HELZ: variants seen among roughly 807,000 people sequenced by gnomAD.
The protein encoded by HELZ is helicase with zinc finger.
Under a neutral mutation model 218.2 loss-of-function variants are expected in HELZ, and 23 were observed. The observed-to-expected ratio is 0.11, with a 90% CI of 0.08 to 0.15. The LOEUF is 0.15. HELZ is among the 10% of genes least tolerant of loss of function. The probability of loss-of-function intolerance (pLI) is 1.00; values close to 1 mark genes in which losing one functional copy is unlikely to be tolerated. For missense variants in HELZ, 1,813 were observed against 2,353.7 expected, an observed-to-expected ratio of 0.77 and a Z score of 4.75; for synonymous variants, 814 against 829.4, an observed-to-expected ratio of 0.98 and a Z score of 0.32.
At chr17:67,131,721 C>T (rs1302426566) in intron 23 of HELZ, among the ~76,000 whole-genome samples, 2 of 152,096 alleles carry the variant, frequency 1.3e-5, no homozygotes, top group Non-Finnish European at 2.9e-5. Flanking sequence ...GGCGCCAGCA[C>T]TACTATTATT....
At chr17:67,149,844 A>G in intron 19 of HELZ, 23 bp downstream of exon 19, 1 of 1,341,312 alleles carries the variant, frequency 7.5e-7, no homozygotes, top group Non-Finnish European at 1.1e-6. Flanking sequence ...TACTTTCAAC[A>G]CAGCAACTCA....
Position 67,076,725 on chromosome 17 carries a change from T to C in HELZ, c.*1527A>G, listed in dbSNP as rs2036027400. The C allele has an allele frequency of 6.6e-6, 1 of 152,224 alleles. No homozygotes were observed. The highest frequency in any genetic ancestry group is 2.1e-4 in the South Asian group (1 of 4,828). The allele number at this position is 152,224 out of a possible 1,614,324, so 9.4% of individuals were successfully genotyped here. Reference sequence around the variant, plus strand: ...GTAATTTTTCTTTACCTTTGCCATTTTACAACCTGATTTTAAAAATGTACT... The same window carrying C: ...GTAATTTTTCTTTACCTTTGCCATTCTACAACCTGATTTTAAAAATGTACT... On this transcript the variant is annotated 3_prime_UTR_variant, in exon 33 of 33. Coordinates refer to ENST00000358691, the MANE Select transcript of HELZ (RefSeq NM_014877.4).
chr17:67,078,761 C>T (rs1250123436), intron 32 of HELZ, among the ~76,000 whole-genome samples, 175 bp from the exon 33 acceptor site: 1 of 152,122 alleles, frequency 6.6e-6, no homozygotes, highest in Non-Finnish European at 1.5e-5. Context: ...TCCAACCAAA[C>T]GTCCCTATCT....
Position 67,208,382 on chromosome 17 carries a change from TAC to T in HELZ, c.248-4941_248-4940del, listed in dbSNP as rs2040361022. 1.3e-5 allele frequency among the ~76,000 whole-genome samples: 2 copies of T among 152,206 alleles called. 1 individual carries two copies. Among genetic ancestry groups the T allele is most frequent in the South Asian group, 4.1e-4 (2 of 4,828 alleles). The stretch of plus-strand genomic sequence containing the variant: ...TACACATGATCAAAATGACACAGAA[TAC>T]ACACATTCCTTGTACTAATGTTAAT... On this transcript the variant is annotated intron_variant, in intron 5 of 32. Coordinates refer to ENST00000358691, the MANE Select transcript of HELZ (RefSeq NM_014877.4).
At position 67,078,202 on chromosome 17, in the gene HELZ, T is replaced by A. The variant is rs764396548; in HGVS notation, c.*50A>T. 7 of 1,334,138 alleles carry A rather than the reference T, an allele frequency of 5.2e-6. No homozygotes were observed. The South Asian group carries it at 8.4e-5, about 16-fold the overall frequency. 82.6% of individuals were successfully genotyped at this position (1,334,138 alleles called of 1,614,324 possible). ...TGAAGTCCAACTACCTTAATTCTAC[T>A]GATACAAACAGAAATTAAAACATTC... On this transcript the variant is annotated 3_prime_UTR_variant, in exon 33 of 33. Coordinates refer to ENST00000358691, the MANE Select transcript of HELZ (RefSeq NM_014877.4).
At chr17:67,236,769 A>T (rs2041196299) in intron 3 of HELZ, among the ~76,000 whole-genome samples, 1 of 152,192 alleles carries the variant, frequency 6.6e-6, no homozygotes, top group Non-Finnish European at 1.5e-5. Context: ...TTTATTTATT[A>T]TCAATTTATT....
chr17:67,245,298 C>T (rs946937600), upstream of HELZ: 75 of 887,076 alleles, frequency 8.5e-5, no homozygotes, highest in Non-Finnish European at 9.2e-5. Flanking sequence ...GCCTCCCGCC[C>T]GGAAAGTTGC....
intron 5 of HELZ, among the ~76,000 whole-genome samples, chr17:67,205,986 C>A (rs1406790903): frequency 6.6e-6 from 1 of 152,182 alleles, no homozygotes; most frequent in African/African-American, 2.4e-5. Context: ...ACCTCTCCTG[C>A]TACTGTATCG....
chr17:67,226,061 ACC>A (rs1480583038), intron 3 of HELZ, among the ~76,000 whole-genome samples: 2 of 152,008 alleles, frequency 1.3e-5, no homozygotes, highest in Non-Finnish European at 2.9e-5. Context: ...AGCGATCAAG[ACC>A]ATCCTGGCCA....
At chr17:67,128,494 C>T in intron 24 of HELZ, 157 bp downstream of exon 24, 2 of 683,896 alleles carry the variant, frequency 2.9e-6, no homozygotes, top group South Asian at 3.5e-5. Flanking sequence ...TTTTCACTTA[C>T]ATGTCCACAC....
chr17:67,231,975 C>T (rs552454515), intron 3 of HELZ, among the ~76,000 whole-genome samples: 1 of 146,786 alleles, frequency 6.8e-6, no homozygotes, highest in African/African-American at 2.5e-5. Flanking sequence ...ATTGCTTGAA[C>T]TCGGGAGGGG....
intron 5 of HELZ, among the ~76,000 whole-genome samples, chr17:67,213,444 A>G (rs1214459629): frequency 6.6e-6 from 1 of 152,102 alleles, no homozygotes; most frequent in Non-Finnish European, 1.5e-5. Context: ...CAACATGGTG[A>G]AACCCTGTCT....
intron 23 of HELZ, 51 bp downstream of exon 23, chr17:67,135,919 C>T (rs769060675): frequency 2.1e-6 from 3 of 1,415,792 alleles, no homozygotes; most frequent in Non-Finnish European, 2.0e-6. Context: ...CATAGGGATA[C>T]AAATCATGTC....
chr17:67,086,631 A>AATATATATATATATATATATAT lies in HELZ; in HGVS notation c.5494+176_5494+197dup, dbSNP rs71139116. On this transcript the variant is annotated intron_variant, in intron 32 of 32. Coordinates refer to ENST00000358691, the MANE Select transcript of HELZ (RefSeq NM_014877.4). Reference sequence around the variant, plus strand: ...ATATATATAAATAAATATAAATATAAATATATATATATATATATATATATA... The same window carrying AATATATATATATATATATATAT: ...ATATATATAAATAAATATAAATATAAATATATATATATATATATATATATATATATATATATATATATATATA... Among the ~76,000 whole-genome samples the AATATATATATATATATATATAT allele has an allele frequency of 5.3e-4, 49 of 93,252 alleles. 1 individual carries two copies. The highest frequency in any genetic ancestry group is 7.7e-4 in the Non-Finnish European group (38 of 49,156). The allele number at this position is 93,252 out of a possible 152,430, so 61.2% of individuals were successfully genotyped here. A position where few individuals can be genotyped will look rare whatever the true frequency, so the allele number is the denominator to read the frequency against.
At chr17:67,179,865 A>G (rs2039559776) in intron 12 of HELZ, 1 of 152,244 alleles carries the variant, frequency 6.6e-6, no homozygotes, top group African/African-American at 2.4e-5. Context: ...AAAGTTAGAC[A>G]AAGATCAGTC....
At chr17:67,193,096 ATT>A (rs1347734131) in intron 9 of HELZ, among the ~76,000 whole-genome samples, 1 of 152,152 alleles carries the variant, frequency 6.6e-6, no homozygotes, top group East Asian at 1.9e-4. Flanking sequence ...TAATCCCAGC[ATT>A]TTGGGAGGCC....
At chr17:67,125,345 T>TATATATATAC in intron 24 of HELZ, among the ~76,000 whole-genome samples, 1 of 76,082 alleles carries the variant, frequency 1.3e-5, no homozygotes, top group East Asian at 4.2e-4. Flanking sequence ...TATATATATA[T>TATATATATAC]ACTTGTGAGG....
chr17:67,170,509 G>T (rs1473220725), intron 13 of HELZ, among the ~76,000 whole-genome samples: 1 of 151,872 alleles, frequency 6.6e-6, no homozygotes, highest in Admixed American at 6.6e-5. Flanking sequence ...GCGAGATTCT[G>T]TCTCTAAACT....
intron 12 of HELZ, among the ~76,000 whole-genome samples, chr17:67,183,617 A>T (rs1174134562): frequency 6.6e-6 from 1 of 152,214 alleles, no homozygotes; most frequent in Non-Finnish European, 1.5e-5. Flanking sequence ...CATTTTCAGC[A>T]TGTTGCTTCC....
Sources: gnomAD v4.1 joint callset for allele counts (sites outside exome capture counted in the v4.1 genomes callset) on GRCh38, gnomAD v4.1.1 for gene constraint, MANE v1.5 for transcripts, NCBI Gene and HGNC (gene_info 2026-07-23, HGNC 2026-07-21) for gene names.